Variants in SRPX observed in about 807,000 individuals in gnomAD.
The protein encoded by SRPX is sushi repeat-containing protein SRPX.
Under a neutral mutation model 38.1 loss-of-function variants are expected in SRPX, and 24 were observed. The ratio of observed to expected loss-of-function variants is 0.63; its 90% confidence interval spans 0.46 to 0.89. The LOEUF (loss-of-function observed/expected upper bound fraction) is 0.89, where lower values mean the gene tolerates loss of function less well. Ranked by LOEUF, SRPX falls within the 40% of genes least tolerant of loss-of-function variation. The pLI, the probability that SRPX is intolerant of heterozygous loss-of-function variation, is 0.00. For missense variants in SRPX, 416 were observed against 377.8 expected (o/e 1.10, Z -0.84); for synonymous variants, 184 against 153.8 (o/e 1.20, Z -1.45).
rs202158590 is a variant in SRPX at position 38,160,175 on chromosome X, T to C, written c.797A>G (p.Asn266Ser). 1.7e-5 allele frequency: 20 copies of C among 1,210,173 alleles called. No individual in the cohort carries two copies. The highest frequency in any genetic ancestry group is 3.5e-5 in the African/African-American group (2 of 57,357). The change falls in exon 7 of 10, where the codon AAT (asparagine) becomes AGT (serine). Residue 266 changes from asparagine to serine, a missense_variant. Coordinates refer to ENST00000378533, the MANE Select transcript of SRPX (RefSeq NM_006307.5). ...CTTCATGTAACCATTCTCTGGGGCATTGAGTTTGCCACAGCGTTTGACTGT... is the reference window on the plus strand; with the variant it reads ...CTTCATGTAACCATTCTCTGGGGCACTGAGTTTGCCACAGCGTTTGACTGT... Reference protein sequence around the residue: ...KVRVKRCGKLNAPENGYMKCS... With the variant: ...KVRVKRCGKLSAPENGYMKCS...
intron 1 of SRPX, among the ~76,000 whole-genome samples, chrX:38,194,145 T>C (rs892537265): frequency 9.9e-5 from 11 of 111,537 alleles, no homozygotes; most frequent in African/African-American, 3.6e-4. Context: ...ACCAACAGCC[T>C]ATACTCTCAG....
chrX:38,197,238 G>C (rs1413045975), intron 1 of SRPX, among the ~76,000 whole-genome samples: 1 of 112,408 alleles, frequency 8.9e-6, no homozygotes, highest in East Asian at 2.8e-4. Context: ...GCAAGGGGGA[G>C]AGCTTCCCTG....
At chrX:38,185,335 T>C (rs1456234701) in intron 1 of SRPX, among the ~76,000 whole-genome samples, 4 of 112,031 alleles carry the variant, frequency 3.6e-5, no homozygotes, top group African/African-American at 1.3e-4. Flanking sequence ...CAAAAGGGTA[T>C]TTTGTACTAT....
chrX:38,174,402 G>C, intron 2 of SRPX, 51 bp from the exon 3 acceptor site: 2 of 942,069 alleles, frequency 2.1e-6, no homozygotes, highest in East Asian at 7.7e-5. Flanking sequence ...GACACTTTCA[G>C]AAAATGTGTC....
intron 1 of SRPX, among the ~76,000 whole-genome samples, chrX:38,202,505 C>G (rs1187482708): frequency 9.0e-6 from 1 of 111,243 alleles, no homozygotes; most frequent in Non-Finnish European, 1.9e-5. Flanking sequence ...AAGCATGCAG[C>G]AGGACATAAT....
At chrX:38,200,291 A>T (rs780564562) in intron 1 of SRPX, among the ~76,000 whole-genome samples, 1 of 112,378 alleles carries the variant, frequency 8.9e-6, no homozygotes, top group Non-Finnish European at 1.9e-5. Context: ...TACCAATACT[A>T]GGGCCAAAAT....
At chrX:38,169,997 G>A (rs1938439319) in intron 4 of SRPX, among the ~76,000 whole-genome samples, 2 of 112,425 alleles carry the variant, frequency 1.8e-5, no homozygotes, top group African/African-American at 6.5e-5. Flanking sequence ...GCAATTTGCA[G>A]TATTTTTTTT....
At chrX:38,210,560 A>G (rs1939301360) in intron 1 of SRPX, among the ~76,000 whole-genome samples, 1 of 112,249 alleles carries the variant, frequency 8.9e-6, no homozygotes, top group Admixed American at 9.4e-5. Context: ...ACTGCTGTCT[A>G]GAAATCCAGG....
At chrX:38,150,092 A>T (rs1324841695) in intron 9 of SRPX, among the ~76,000 whole-genome samples, 198 bp from the exon 10 acceptor site, 1 of 111,579 alleles carries the variant, frequency 9.0e-6, no homozygotes, top group Non-Finnish European at 1.9e-5. Context: ...CTAGAAATGG[A>T]GACTCTCATG....
chrX:38,160,917 T>TA lies in SRPX; in HGVS notation c.775+15dup. ...TAAAGAGAGGGGGAAACAAAACCAA[T>TA]AAGCAGTACTCTTACCTCTTACTTT... On this transcript the variant is annotated intron_variant, in intron 6 of 9. Transcript: ENST00000378533. 8.3e-7 allele frequency: 1 copy of TA among 1,204,577 alleles called. No homozygotes were observed. Among genetic ancestry groups the TA allele is most frequent in the Middle Eastern group, 2.3e-4 (1 of 4,293 alleles).
intron 2 of SRPX, 140 bp from the exon 3 acceptor site, chrX:38,174,491 C>G: frequency 7.7e-6 from 3 of 387,940 alleles, no homozygotes; most frequent in Non-Finnish European, 8.1e-6. Flanking sequence ...TCTTAGGTGT[C>G]TCCGGGTAGG....
intron 9 of SRPX, among the ~76,000 whole-genome samples, chrX:38,152,368 A>G (rs1938033170): frequency 8.9e-6 from 1 of 112,324 alleles, no homozygotes; most frequent in Admixed American, 9.4e-5. Flanking sequence ...CTTTCCTTGA[A>G]GGCTGCTGGG....
At chrX:38,186,379 C>T (rs751171543) in intron 1 of SRPX, among the ~76,000 whole-genome samples, 2 of 112,053 alleles carry the variant, frequency 1.8e-5, no homozygotes, top group Non-Finnish European at 3.8e-5. Flanking sequence ...CTTGCAACCT[C>T]ATGAGAGACC....
At position 38,160,126 on chromosome X, in the gene SRPX, A is replaced by G. The variant is rs1458321447; in HGVS notation, c.846T>C (p.Tyr282=). 8 of 1,210,518 alleles carry G rather than the reference A, an allele frequency of 6.6e-6. No homozygotes were observed. The highest frequency in any genetic ancestry group is 8.9e-6 in the Non-Finnish European group (8 of 895,287). Reference sequence around the variant, plus strand: ...TGCAGGAGAACTCACAGGTGGCTCCATAATTATCACCGTCGCTGGAGCACT... The same window carrying G: ...TGCAGGAGAACTCACAGGTGGCTCCGTAATTATCACCGTCGCTGGAGCACT... ...YMKCSSDGDN[Y]GATCEFSCIG... is the part of the protein sequence containing the mutation. Residue 282 remains tyrosine (Y), a synonymous_variant, in exon 7 of 10, where the codon TAT becomes TAC. Coordinates refer to ENST00000378533, the MANE Select transcript of SRPX (RefSeq NM_006307.5).
intron 3 of SRPX, among the ~76,000 whole-genome samples, chrX:38,173,029 G>A (rs1230144666): frequency 8.9e-6 from 1 of 112,376 alleles, no homozygotes; most frequent in African/African-American, 3.2e-5. Context: ...AGGCATCGAG[G>A]AGATCTGGGT....
Position 38,154,464 on chromosome X carries a change from G to A in SRPX, c.1209C>T (p.Leu403=), listed in dbSNP as rs1938089513. Residue 403 remains leucine, a splice_region_variant and synonymous_variant, in exon 9 of 10, where the codon CTC becomes CTT. Transcript: ENST00000378533. ...TTAAGAACAGAACTTCCCCCTACCT[G>A]AGCTGCAGCGCTAGGGCTGGAGGCA... The part of the protein sequence containing the change: ...KIMPPALALQ[L]RLLLRIPLYS... 8.3e-7 allele frequency: 1 copy of A among 1,203,022 alleles called. No individual in the cohort carries two copies. Among genetic ancestry groups the A allele is most frequent in the Non-Finnish European group, 1.1e-6 (1 of 891,240 alleles).
Position 38,171,910 on chromosome X carries a change from G to T in SRPX, c.497C>A (p.Ala166Asp). The T allele has an allele frequency of 8.3e-7, 1 of 1,211,678 alleles. No homozygotes were observed. ...ERTVTCMDNKAWSGRPASCVD... is the reference protein window; with the variant it reads ...ERTVTCMDNKDWSGRPASCVD... ...ACAGGAGGCTGGCCGGCCGCTCCAG[G>T]CCTTGTTGTCCATACATGTGACGGT... Residue 166 changes from alanine to aspartate, a missense_variant, in exon 4 of 10, where the codon GCC (alanine) becomes GAC (aspartate). Physicochemically the swap from Ala to Asp is moderately radical, Grantham distance 126. Coordinates refer to ENST00000378533, the MANE Select transcript of SRPX (RefSeq NM_006307.5).
At chrX:38,196,575 G>A (rs1032659021) in intron 1 of SRPX, among the ~76,000 whole-genome samples, 1 of 112,212 alleles carries the variant, frequency 8.9e-6, no homozygotes, top group Non-Finnish European at 1.9e-5. Flanking sequence ...GAAGAATTAA[G>A]AAGAACAAAT....
intron 9 of SRPX, among the ~76,000 whole-genome samples, chrX:38,152,819 T>TA (rs1486710498): frequency 8.9e-6 from 1 of 112,055 alleles, no homozygotes; most frequent in Non-Finnish European, 1.9e-5. Flanking sequence ...CAACAAGTTT[T>TA]AAAAAATCAT....
Sources: allele counts gnomAD v4.1 joint callset (sites outside exome capture counted in the v4.1 genomes callset), GRCh38; gene constraint gnomAD v4.1.1; transcripts MANE v1.5; gene names NCBI Gene and HGNC (gene_info 2026-07-23, HGNC 2026-07-21).